Variants in CEP350 observed in about 807,000 individuals in gnomAD.
CEP350 encodes the protein centrosomal protein 350.
Under a neutral mutation model 331.8 loss-of-function variants are expected in CEP350, and 126 were observed. The ratio of observed to expected loss-of-function variants is 0.38; its 90% CI spans 0.33 to 0.44. The LOEUF is 0.44. Ranked by LOEUF, CEP350 falls within the 20% of genes least tolerant of loss-of-function variation. CEP350 has a pLI of 1.00. For synonymous variants in CEP350, 1,200 were observed against 1,259.5 expected, an observed-to-expected ratio of 0.95 and a Z score of 1.00; for missense variants, 3,406 against 3,634.6, an observed-to-expected ratio of 0.94 and a Z score of 1.62.
chr1:180,077,671 TAAAAA>T (rs3067269), intron 28 of CEP350, among the ~76,000 whole-genome samples: 1 of 97,228 alleles, frequency 1.0e-5, no homozygotes, highest in Non-Finnish European at 1.8e-5. Flanking sequence ...TCTCAAAAAG[TAAAAA>T]AAAAAAAAAA....
In CEP350 at chr1:180,092,600, G is replaced by T. The variant is rs774022986; in HGVS notation, c.6509-14G>T. The T allele has an allele frequency of 6.8e-7, 1 of 1,477,474 alleles. No homozygotes were observed. Among genetic ancestry groups the T allele is most frequent in the East Asian group, 2.3e-5 (1 of 43,462 alleles). 91.5% of individuals were successfully genotyped at this position (1,477,474 alleles called of 1,614,324 possible). ...TTAAATAATTTTGATGTGGTGATTT[G>T]TTTTTTCTTTAAGATGCTTCACTGT... is the stretch of plus-strand genomic sequence containing the variant. On this transcript the variant is annotated splice_polypyrimidine_tract_variant and intron_variant, in intron 33 of 37. Transcript: ENST00000367607.
chr1:180,011,330 A>AT (rs961096636), intron 8 of CEP350, among the ~76,000 whole-genome samples: 1 of 152,246 alleles, frequency 6.6e-6, no homozygotes. Flanking sequence ...TGATTAAGTC[A>AT]TTTTTTTAAA....
At chr1:180,081,001 A>G (rs1040649845) in intron 30 of CEP350, among the ~76,000 whole-genome samples, 58 of 150,782 alleles carry the variant, frequency 3.8e-4, no homozygotes, top group African/African-American at 1.3e-3. Context: ...CTGGGATTAC[A>G]GGCACCCGCC....
chr1:180,023,938 G>C (rs925975203), intron 13 of CEP350, among the ~76,000 whole-genome samples: 1 of 151,942 alleles, frequency 6.6e-6, no homozygotes. Flanking sequence ...ATGAGAAAAA[G>C]CATAGTTTTA....
chr1:180,008,931 A>G (rs559880473), intron 8 of CEP350, among the ~76,000 whole-genome samples: 1 of 152,364 alleles, frequency 6.6e-6, no homozygotes, highest in East Asian at 1.9e-4. Flanking sequence ...TTTAGATGTC[A>G]TAATAGAGTG....
In CEP350 at chr1:180,022,561, G is replaced by A. The variant is rs1571880887; in HGVS notation, c.3236-137G>A. 3.1e-6 allele frequency: 2 copies of A among 651,500 alleles called. 1 individual carries two copies. The allele number at this position is 651,500 out of a possible 1,614,324, so 40.4% of individuals were successfully genotyped here. ...TAAAAAAGTATCATTGGATATAAAG[G>A]TAAATAGAAAAGAGGCACTATTAAA... On this transcript the variant is annotated intron_variant, in intron 12 of 37. Transcript: ENST00000367607.
At chr1:180,042,967 A>T (rs978390079) in intron 19 of CEP350, 89 bp from the exon 20 acceptor site, 1 of 1,420,762 alleles carries the variant, frequency 7.0e-7, no homozygotes, top group African/African-American at 1.4e-5. Context: ...CAAGTCAGTG[A>T]TCTTTCTTTC....
intron 1 of CEP350, among the ~76,000 whole-genome samples, chr1:179,964,797 A>G (rs1650885433): frequency 6.8e-6 from 1 of 146,456 alleles, no homozygotes; most frequent in Admixed American, 6.8e-5. Flanking sequence ...TTAGAGGTTT[A>G]TCTATCTTGC....
chr1:180,110,427 G>A (rs1171297770), intron 37 of CEP350, among the ~76,000 whole-genome samples: 1 of 152,152 alleles, frequency 6.6e-6, no homozygotes, highest in East Asian at 1.9e-4. Context: ...CCATCATGAG[G>A]GTAAACACCG....
At chr1:180,008,682 A>G (rs1367743026) in intron 8 of CEP350, among the ~76,000 whole-genome samples, 1 of 152,206 alleles carries the variant, frequency 6.6e-6, no homozygotes, top group Non-Finnish European at 1.5e-5. Flanking sequence ...TAGACAATAC[A>G]TTGGTAAGCA....
chr1:180,092,510 G>A, intron 33 of CEP350, 104 bp from the exon 34 acceptor site: 1 of 686,722 alleles, frequency 1.5e-6, no homozygotes, highest in Non-Finnish European at 2.3e-6. Flanking sequence ...ATTGACTAGA[G>A]GGGTTTTTTT....
At chr1:180,001,799 C>G (rs1653884078) in intron 6 of CEP350, among the ~76,000 whole-genome samples, 1 of 152,204 alleles carries the variant, frequency 6.6e-6, no homozygotes. Context: ...AATATTGTCT[C>G]TCCCTAAATC....
At chr1:179,968,390 GA>G (rs1280213761) in intron 1 of CEP350, among the ~76,000 whole-genome samples, 3 of 151,502 alleles carry the variant, frequency 2.0e-5, no homozygotes, top group African/African-American at 7.3e-5. Context: ...TTTTATGTAA[GA>G]GACAGATATG....
At chr1:180,075,714 G>T (rs961785950) in intron 28 of CEP350, among the ~76,000 whole-genome samples, 2 of 152,068 alleles carry the variant, frequency 1.3e-5, no homozygotes, top group African/African-American at 4.8e-5. Context: ...TAGCACTTTG[G>T]GAGTCCGAGG....
Position 179,955,143 on chromosome 1 carries a change from G to C in CEP350, c.-14+1G>C. 6.9e-7 allele frequency: 1 copy of C among 1,454,528 alleles called. No homozygotes were observed. The highest frequency in any genetic ancestry group is 9.1e-7 in the Non-Finnish European group (1 of 1,102,084). 90.1% of individuals were successfully genotyped at this position (1,454,528 alleles called of 1,614,324 possible). On this transcript the variant is annotated splice_donor_variant, in intron 1 of 37. Transcript: ENST00000367607. LOFTEE classifies it low-confidence loss of function (5UTR_SPLICE). ...CCGAGGGCGGAGGCGACACTCTCAG[G>C]TGAGCTCCTGTAGGACCTGGCTGGG... is the stretch of plus-strand genomic sequence containing the variant.
intron 37 of CEP350, among the ~76,000 whole-genome samples, chr1:180,105,929 T>G (rs1390861247): frequency 6.6e-6 from 1 of 152,196 alleles, no homozygotes; most frequent in Non-Finnish European, 1.5e-5. Flanking sequence ...ATGCAAATAA[T>G]TTTTTAGACA....
intron 28 of CEP350, among the ~76,000 whole-genome samples, chr1:180,077,193 T>A (rs1262342233): frequency 6.6e-6 from 1 of 152,166 alleles, no homozygotes; most frequent in African/African-American, 2.4e-5. Context: ...ATAAAATTCA[T>A]ATACAAAATT....
chr1:179,977,589 A>G (rs1037888641), intron 1 of CEP350, among the ~76,000 whole-genome samples: 1 of 152,182 alleles, frequency 6.6e-6, no homozygotes, highest in African/African-American at 2.4e-5. Context: ...TTTGCAGATA[A>G]TTGAAGATCA....
At position 180,009,212 on chromosome 1, in the gene CEP350, G is replaced by A. The variant is rs370601269; in HGVS notation, c.1246+2645G>A. On this transcript the variant is annotated intron_variant, in intron 8 of 37. Coordinates refer to ENST00000367607, the MANE Select transcript of CEP350 (RefSeq NM_014810.5). ...TTTAGTAGAAATGGGGTTTTGCCAT[G>A]TTGGCCAGGATGGTCTTGAACTCCT... is the stretch of plus-strand genomic sequence containing the variant. Among the ~76,000 whole-genome samples the A allele has an allele frequency of 4.7e-4, 72 of 152,300 alleles. 1 individual carries two copies. In the East Asian group the frequency reaches 0.012, roughly 25 times the overall value.
Sources: allele counts gnomAD v4.1 joint callset (sites outside exome capture counted in the v4.1 genomes callset), GRCh38; gene constraint gnomAD v4.1.1; transcripts MANE v1.5; gene names NCBI Gene and HGNC (gene_info 2026-07-23, HGNC 2026-07-21).